JAK2: variants seen among roughly 807,000 people sequenced by gnomAD.
JAK2 encodes tyrosine-protein kinase JAK2.
Under a neutral mutation model 139.3 loss-of-function variants are expected in JAK2, and 86 were observed. The ratio of observed to expected loss-of-function variants is 0.62; its 90% CI spans 0.52 to 0.74. The LOEUF is 0.74. JAK2 is among the 30% of genes least tolerant of loss of function. The pLI is 0.00. For missense variants in JAK2, 1,421 were observed against 1,360.3 expected, an observed-to-expected ratio of 1.04 and a Z score of -0.70; for synonymous variants, 490 against 437.7, an observed-to-expected ratio of 1.12 and a Z score of -1.49.
chr9:5,050,904 GT>G, intron 6 of JAK2, 73 bp downstream of exon 6: 1 of 1,298,260 alleles, frequency 7.7e-7, no homozygotes, highest in Non-Finnish European at 1.1e-6. Context: ...TATTTTCTGT[GT>G]TTACCCATGC....
In JAK2 at chr9:5,001,441, C is replaced by T. The variant is rs576138479; in HGVS notation, c.-26+15419C>T. ...AATGCTTTTCCTGCAACAATTGGGA[C>T]GATCTTATGGTTTTGCTCCATTATT... On this transcript the variant is annotated intron_variant, in intron 2 of 24. Transcript: ENST00000381652. Among the ~76,000 whole-genome samples the T allele has an allele frequency of 5.9e-5, 9 of 152,152 alleles. No homozygotes were observed. In the East Asian group the frequency reaches 9.7e-4, roughly 16 times the overall value.
intron 2 of JAK2, among the ~76,000 whole-genome samples, chr9:4,999,599 G>A (rs1322053228): frequency 6.6e-6 from 1 of 152,178 alleles, no homozygotes; most frequent in Admixed American, 6.5e-5. Context: ...TAGGCTGTCT[G>A]CAAGCTTGAG....
At chr9:5,122,041 A>T (rs1248452952) in intron 22 of JAK2, among the ~76,000 whole-genome samples, 2 of 152,206 alleles carry the variant, frequency 1.3e-5, no homozygotes, top group African/African-American at 4.8e-5. Context: ...ATGTTTAATT[A>T]CGTAGTATGG....
intron 2 of JAK2, among the ~76,000 whole-genome samples, chr9:5,017,383 C>T (rs1051015115): frequency 6.6e-6 from 1 of 152,196 alleles, no homozygotes; most frequent in Non-Finnish European, 1.5e-5. Context: ...CAAATTTACT[C>T]CTTAATGCTA....
intron 2 of JAK2, among the ~76,000 whole-genome samples, chr9:4,995,327 C>G (rs1274322634): frequency 1.3e-5 from 2 of 152,084 alleles, no homozygotes; most frequent in Non-Finnish European, 2.9e-5. Flanking sequence ...CTTTTTGATT[C>G]TGTAGATAGT....
At chr9:5,007,725 CTT>C (rs113969875) in intron 2 of JAK2, among the ~76,000 whole-genome samples, 9 of 144,518 alleles carry the variant, frequency 6.2e-5, no homozygotes, top group African/African-American at 1.3e-4. Flanking sequence ...ATTATATTGT[CTT>C]TTTTTTTTTT....
At chr9:5,046,492 ACCTT>A (rs898050789) in intron 5 of JAK2, among the ~76,000 whole-genome samples, 14 of 152,004 alleles carry the variant, frequency 9.2e-5, no homozygotes, top group South Asian at 6.2e-4. Flanking sequence ...AATGTTATGA[ACCTT>A]TCTTTCTGTT....
At chr9:5,114,718 A>G (rs1454583870) in intron 22 of JAK2, 1 of 382,332 alleles carries the variant, frequency 2.6e-6, no homozygotes, top group South Asian at 2.1e-5. Flanking sequence ...GAATGGGAAC[A>G]GAAAAACGAG....
intron 4 of JAK2, among the ~76,000 whole-genome samples, chr9:5,040,257 C>A (rs1816382961): frequency 6.6e-6 from 1 of 151,322 alleles, no homozygotes; most frequent in Non-Finnish European, 1.5e-5. Context: ...CACATGTAAA[C>A]TAATGAAGTA....
chr9:5,107,311 T>A (rs1319624138), intron 22 of JAK2, among the ~76,000 whole-genome samples: 2 of 152,182 alleles, frequency 1.3e-5, no homozygotes, highest in African/African-American at 4.8e-5. Flanking sequence ...AATTAATATT[T>A]ATATAGATAA....
rs1181933181 is a variant in JAK2 at position 5,078,325 on chromosome 9, A to G, written c.2012A>G (p.His671Arg). 2.5e-6 allele frequency: 4 copies of G among 1,611,956 alleles called. No individual in the cohort carries two copies. Among genetic ancestry groups the G allele is most frequent in the Non-Finnish European group, 3.4e-6 (4 of 1,178,622 alleles). Residue 671 changes from histidine (H) to arginine (R), a missense_variant, in exon 16 of 25, where the codon CAT (histidine) becomes CGT (arginine). His to Arg is a conservative substitution (Grantham distance 29). Transcript: ENST00000381652. ...TAATAGGAAGAAAACACCCTTATTCATGGGAATGTATGTGCCAAAAATATT... is the reference window on the plus strand; with the variant it reads ...TAATAGGAAGAAAACACCCTTATTCGTGGGAATGTATGTGCCAAAAATATT... ...MHFLEENTLI[H>R]GNVCAKNILL...
intron 2 of JAK2, among the ~76,000 whole-genome samples, chr9:5,021,280 GTTC>G (rs1452542572): frequency 6.6e-6 from 1 of 152,050 alleles, no homozygotes; most frequent in African/African-American, 2.4e-5. Flanking sequence ...CGCTATTTTG[GTTC>G]TTCTTTGTGG....
chr9:5,112,555 A>G, intron 22 of JAK2: 1 of 615,850 alleles, frequency 1.6e-6, no homozygotes, highest in Non-Finnish European at 2.9e-6. Flanking sequence ...GGTGGCCAAT[A>G]ACGCCAGGGA....
At chr9:5,017,789 G>A (rs1822170543) in intron 2 of JAK2, among the ~76,000 whole-genome samples, 1 of 152,202 alleles carries the variant, frequency 6.6e-6, no homozygotes, top group South Asian at 2.1e-4. Flanking sequence ...ATCTGTTACA[G>A]TAATTGCCAG....
chr9:5,030,187 T>A (rs1008647376), intron 4 of JAK2, among the ~76,000 whole-genome samples: 3 of 152,198 alleles, frequency 2.0e-5, no homozygotes, highest in Admixed American at 1.3e-4. Flanking sequence ...CAGTGGCCTT[T>A]ATTAACAAAA....
rs555595471 is a variant in JAK2 at position 5,080,741 on chromosome 9, G to T, written c.2434+58G>T. 52 of 1,273,952 alleles carry T rather than the reference G, an allele frequency of 4.1e-5. No individual in the cohort carries two copies. In the East Asian group the frequency reaches 9.5e-4, roughly 23 times the overall value. The allele number at this position is 1,273,952 out of a possible 1,614,324, so 78.9% of individuals were successfully genotyped here. ...GCTTTCTATCTTTATTGTATTTAAT[G>T]AATCATTACTAATTTTTAATTCCTT... On this transcript the variant is annotated intron_variant, in intron 18 of 24. Coordinates refer to ENST00000381652, the MANE Select transcript of JAK2 (RefSeq NM_004972.4).
chr9:5,121,663 GATT>G (rs1823624099), intron 22 of JAK2, among the ~76,000 whole-genome samples: 1 of 152,108 alleles, frequency 6.6e-6, no homozygotes, highest in African/African-American at 2.4e-5. Context: ...ATTTTTAAAA[GATT>G]TACATACACT....
At chr9:4,988,775 C>T (rs768174880) in intron 2 of JAK2, among the ~76,000 whole-genome samples, 2 of 152,174 alleles carry the variant, frequency 1.3e-5, no homozygotes, top group South Asian at 2.1e-4. Flanking sequence ...TGTTCATCTC[C>T]TTAAACTCCG....
At chr9:5,094,985 C>T (rs1354600535) in intron 22 of JAK2, 2 of 152,132 alleles carry the variant, frequency 1.3e-5, no homozygotes, top group African/African-American at 2.4e-5. Flanking sequence ...ATCTCAATGC[C>T]TTTCCTAATT....
Sources: allele counts gnomAD v4.1 joint callset (sites outside exome capture counted in the v4.1 genomes callset), GRCh38; gene constraint gnomAD v4.1.1; transcripts MANE v1.5; gene names NCBI Gene and HGNC (gene_info 2026-07-23, HGNC 2026-07-21).